Variants in JAK1 observed in about 807,000 individuals in gnomAD.
JAK1 encodes the protein Janus kinase 1.
JAK1 carries 16 observed loss-of-function variants against 136.6 expected under a neutral mutation model. The ratio of observed to expected loss-of-function variants is 0.12; its 90% CI spans 0.08 to 0.18. The LOEUF (loss-of-function observed/expected upper bound fraction) is 0.18. JAK1 is among the 10% of genes least tolerant of loss of function. The pLI is 1.00. For missense variants in JAK1, 859 were observed against 1,450.1 expected, an observed-to-expected ratio of 0.59 and a Z score of 6.62; for synonymous variants, 492 against 519.5, an observed-to-expected ratio of 0.95 and a Z score of 0.72.
intron 2 of JAK1, among the ~76,000 whole-genome samples, chr1:64,975,296 G>A (rs879640667): frequency 6.6e-6 from 1 of 152,166 alleles, no homozygotes; most frequent in Non-Finnish European, 1.5e-5. Flanking sequence ...GCCATGCTCT[G>A]TCATTGGTAT....
intron 17 of JAK1, among the ~76,000 whole-genome samples, chr1:64,842,784 C>G (rs1427795361): frequency 6.6e-6 from 1 of 152,168 alleles, no homozygotes; most frequent in African/African-American, 2.4e-5. Context: ...TCCCAAAAGC[C>G]TAGGCTGAAA....
At chr1:64,895,598 G>A (rs1159476748) in intron 1 of JAK1, among the ~76,000 whole-genome samples, 1 of 152,074 alleles carries the variant, frequency 6.6e-6, no homozygotes, top group East Asian at 1.9e-4. Flanking sequence ...ACAATGTATA[G>A]CCTATGATGT....
At chr1:64,960,767 C>T (rs1026809750) in intron 1 of JAK1, among the ~76,000 whole-genome samples, 1 of 152,202 alleles carries the variant, frequency 6.6e-6, no homozygotes, top group African/African-American at 2.4e-5. Context: ...TTACATACCT[C>T]CTAACCCCTA....
chr1:65,022,459 AT>A (rs1374755155), intron 2 of JAK1, among the ~76,000 whole-genome samples: 4 of 152,144 alleles, frequency 2.6e-5, no homozygotes, highest in African/African-American at 4.8e-5. Flanking sequence ...ATGACTCTGC[AT>A]TTTAGGATTT....
intron 1 of JAK1, among the ~76,000 whole-genome samples, chr1:64,944,893 C>G (rs1054444132): frequency 6.6e-6 from 1 of 151,910 alleles, no homozygotes; most frequent in Non-Finnish European, 1.5e-5. Flanking sequence ...AAAAACAGAA[C>G]AAAAACTTCC....
At chr1:64,838,759 G>A (rs1320422480) in intron 20 of JAK1, among the ~76,000 whole-genome samples, 170 bp from the exon 21 acceptor site, 3 of 152,202 alleles carry the variant, frequency 2.0e-5, no homozygotes, top group African/African-American at 7.2e-5. Context: ...AGTGAATGGA[G>A]ATGGTAACAA....
rs371981611 is a variant in JAK1, at chr1:64,951,745, A to G, written c.-78+14588T>C. Among the ~76,000 whole-genome samples the G allele has an allele frequency of 2.5e-4, 31 of 122,560 alleles. 5 individuals are homozygous for G. The highest frequency in any genetic ancestry group is 5.9e-4 in the Admixed American group (5 of 8,484). The allele number at this position is 122,560 out of a possible 152,430, so 80.4% of individuals were successfully genotyped here. A position where few individuals can be genotyped will look rare whatever the true frequency, so the allele number is the denominator to read the frequency against. On this transcript the variant is annotated intron_variant, in intron 1 of 24. Coordinates refer to ENST00000342505, the MANE Select transcript of JAK1 (RefSeq NM_002227.4). ...TCGATCTCTGCTCACTGCAAGCTCCACCTCCCGGGTTCACGCCATTCTCCT... is the reference window on the plus strand; with the variant it reads ...TCGATCTCTGCTCACTGCAAGCTCCGCCTCCCGGGTTCACGCCATTCTCCT...
chr1:65,018,997 T>G (rs1220707291), intron 2 of JAK1, among the ~76,000 whole-genome samples: 1 of 151,902 alleles, frequency 6.6e-6, no homozygotes, highest in Non-Finnish European at 1.5e-5. Context: ...GGGGACAGAG[T>G]GAGATTCCGT....
intron 2 of JAK1, among the ~76,000 whole-genome samples, chr1:64,988,661 T>A (rs761403976): frequency 6.6e-6 from 1 of 151,594 alleles, no homozygotes; most frequent in Non-Finnish European, 1.5e-5. Flanking sequence ...GACAAGAGGA[T>A]CTCTTGAGCC....
intron 2 of JAK1, among the ~76,000 whole-genome samples, chr1:65,020,988 G>A (rs200470395): frequency 6.6e-6 from 1 of 152,164 alleles, no homozygotes; most frequent in East Asian, 1.9e-4. Context: ...GACAGAGCCA[G>A]TCCACACCAC....
chr1:65,030,684 A>T (rs1647015189), intron 2 of JAK1, among the ~76,000 whole-genome samples: 1 of 152,070 alleles, frequency 6.6e-6, no homozygotes, highest in African/African-American at 2.4e-5. Flanking sequence ...AGGTGCACAC[A>T]CCAGGCCCAG....
intron 2 of JAK1, among the ~76,000 whole-genome samples, chr1:64,979,162 A>G (rs918198066): frequency 6.6e-6 from 1 of 152,298 alleles, no homozygotes; most frequent in East Asian, 1.9e-4. Context: ...TTGGGAGGCC[A>G]AGGCAGGAGG....
chr1:64,966,850 C>T (rs1015931024), upstream of JAK1, among the ~76,000 whole-genome samples: 6 of 151,954 alleles, frequency 3.9e-5, no homozygotes, highest in Non-Finnish European at 5.9e-5. Flanking sequence ...TAGATTGACC[C>T]CTCCCAGCTC....
intron 1 of JAK1, among the ~76,000 whole-genome samples, chr1:64,946,477 T>A (rs766441850): frequency 6.6e-6 from 1 of 152,214 alleles, no homozygotes; most frequent in Non-Finnish European, 1.5e-5. Flanking sequence ...TATTTATGCA[T>A]CATAGTAAAA....
At chr1:64,894,638 G>A (rs1338044682) in intron 1 of JAK1, among the ~76,000 whole-genome samples, 1 of 152,164 alleles carries the variant, frequency 6.6e-6, no homozygotes, top group Non-Finnish European at 1.5e-5. Context: ...TTAGCCGGGC[G>A]TGGTGGTGGG....
At chr1:64,902,388 C>G (rs1282725965) in intron 1 of JAK1, among the ~76,000 whole-genome samples, 3 of 152,098 alleles carry the variant, frequency 2.0e-5, no homozygotes, top group Admixed American at 6.6e-5. Flanking sequence ...ATCTCTCTGT[C>G]AATCCGAGGA....
At chr1:65,053,315 C>T (rs1203507372) in intron 1 of JAK1, among the ~76,000 whole-genome samples, 1 of 151,980 alleles carries the variant, frequency 6.6e-6, no homozygotes, top group Non-Finnish European at 1.5e-5. Context: ...CACTGCACTC[C>T]AACTGGGCGA....
At chr1:65,063,804 CAAAAAAAAAAAAA>C (rs370192253) in intron 1 of JAK1, among the ~76,000 whole-genome samples, 1 of 81,372 alleles carries the variant, frequency 1.2e-5, no homozygotes, top group Non-Finnish European at 2.7e-5. Flanking sequence ...GACTCTATCT[CAAAAAAAAAAAAA>C]AAAAAAGAAA....
intron 2 of JAK1, among the ~76,000 whole-genome samples, chr1:65,024,908 T>C (rs571621): frequency 0.23 from 34,682 of 151,480 alleles, 5,096 homozygotes; most frequent in East Asian, 0.39. Flanking sequence ...ACCCGGGAGG[T>C]AGAGGATGCA....
Sources: allele counts gnomAD v4.1 joint callset (sites outside exome capture counted in the v4.1 genomes callset), GRCh38; gene constraint gnomAD v4.1.1; transcripts MANE v1.5; gene names NCBI Gene and HGNC (gene_info 2026-07-23, HGNC 2026-07-21).